ADCY2: variants seen among roughly 807,000 people sequenced by gnomAD.
The protein encoded by ADCY2 is adenylate cyclase type 2.
ADCY2 carries 31 observed loss-of-function variants against 125.2 expected under a neutral mutation model. That is an observed-to-expected ratio of 0.25 (90% CI 0.19 to 0.33). The LOEUF (loss-of-function observed/expected upper bound fraction) is 0.33, where lower values mean the gene tolerates loss of function less well. ADCY2 is among the 10% of genes least tolerant of loss of function. The probability of loss-of-function intolerance (pLI) is 1.00; values close to 1 mark genes in which losing one functional copy is unlikely to be tolerated. For missense variants in ADCY2, 904 were observed against 1,418.2 expected (o/e 0.64, Z 5.82); for synonymous variants, 512 against 548.4 (o/e 0.93, Z 0.93).
At chr5:7,445,599 C>A (rs13170330) in intron 2 of ADCY2, among the ~76,000 whole-genome samples, 37,192 of 152,154 alleles carry the variant, frequency 0.24, 5,282 homozygotes, top group East Asian at 0.48. Flanking sequence ...GTGATCTCAT[C>A]CAAAAACATT....
intron 22 of ADCY2, among the ~76,000 whole-genome samples, chr5:7,807,502 T>A (rs1309331124): frequency 6.6e-6 from 1 of 152,170 alleles, no homozygotes; most frequent in East Asian, 1.9e-4. Flanking sequence ...TGCCTGGTAA[T>A]CCTCCCTTGG....
intron 16 of ADCY2, among the ~76,000 whole-genome samples, chr5:7,763,228 C>T (rs1351171965): frequency 1.3e-5 from 2 of 151,914 alleles, no homozygotes; most frequent in Non-Finnish European, 2.9e-5. Context: ...GTAGCTGGGA[C>T]TACAGGCGCC....
chr5:7,396,485 C>G lies in ADCY2; in HGVS notation c.189C>G (p.Ala63=). 6.4e-7 allele frequency: 1 copy of G among 1,567,266 alleles called. No homozygotes were observed. The highest frequency in any genetic ancestry group is 8.6e-7 in the Non-Finnish European group (1 of 1,157,350). ...IVMGSCLALL[A]VFFALGLEVE... ...TGGGCTCCTGCCTCGCCCTGCTCGC[C>G]GTCTTCTTCGCGCTCGGGCTGGTGA... is the stretch of plus-strand genomic sequence containing the variant. The change falls in exon 1 of 25, where the codon GCC becomes GCG. Residue 63 remains alanine (A), a synonymous_variant. Transcript: ENST00000338316. This position sits in a 1 kb window ranked among gnomAD's most constrained non-coding sequence, Gnocchi z 5.7.
chr5:7,580,698 G>A (rs1736400569), intron 3 of ADCY2, among the ~76,000 whole-genome samples: 1 of 152,182 alleles, frequency 6.6e-6, no homozygotes, highest in Admixed American at 6.5e-5. Flanking sequence ...TGTCCAAAAT[G>A]TGGGGGAAAA....
chr5:7,813,665 T>G (rs1745011862), intron 22 of ADCY2, among the ~76,000 whole-genome samples: 1 of 152,240 alleles, frequency 6.6e-6, no homozygotes, highest in African/African-American at 2.4e-5. Flanking sequence ...CATAATTTTT[T>G]CTAGGATTTG....
At chr5:7,417,927 AG>A (rs1386643785) in intron 2 of ADCY2, among the ~76,000 whole-genome samples, 1 of 152,230 alleles carries the variant, frequency 6.6e-6, no homozygotes, top group Non-Finnish European at 1.5e-5. Flanking sequence ...GTTCATTGAC[AG>A]ATGACTGTAT....
At chr5:7,611,636 A>T (rs1458313570) in intron 3 of ADCY2, among the ~76,000 whole-genome samples, 1 of 152,190 alleles carries the variant, frequency 6.6e-6, no homozygotes. Flanking sequence ...ATGTTAATTC[A>T]TCCCAGAAAT....
intron 3 of ADCY2, among the ~76,000 whole-genome samples, chr5:7,619,160 G>A (rs1489900064): frequency 6.6e-6 from 1 of 152,228 alleles, no homozygotes; most frequent in Non-Finnish European, 1.5e-5. Flanking sequence ...GTAAAGTTTA[G>A]GTAATCATTG....
At chr5:7,545,151 C>T (rs1268470475) in intron 3 of ADCY2, among the ~76,000 whole-genome samples, 1 of 152,188 alleles carries the variant, frequency 6.6e-6, no homozygotes, top group African/African-American at 2.4e-5. Context: ...CTGGGTCTCA[C>T]CCTTAAGTGG....
chr5:7,415,262 G>C (rs1286934150), intron 2 of ADCY2, among the ~76,000 whole-genome samples: 1 of 152,126 alleles, frequency 6.6e-6, no homozygotes, highest in Non-Finnish European at 1.5e-5. Context: ...AAATAAGCCA[G>C]GCACAGAGAA....
At chr5:7,435,963 T>G (rs2126387042) in intron 2 of ADCY2, among the ~76,000 whole-genome samples, 1 of 152,350 alleles carries the variant, frequency 6.6e-6, no homozygotes, top group East Asian at 1.9e-4. Context: ...AGCCTTGGTT[T>G]TTGAGTAGAG....
chr5:7,606,968 G>GGGTCTTCTGAAATTCCACCTGCCCTGCA, intron 3 of ADCY2, among the ~76,000 whole-genome samples: 1 of 151,988 alleles, frequency 6.6e-6, no homozygotes, highest in Non-Finnish European at 1.5e-5. Context: ...CTGTTGCTGC[G>GGGTCTTCTGAAATTCCACCTGCCCTGCA]GGTCTTCTGA....
intron 4 of ADCY2, among the ~76,000 whole-genome samples, chr5:7,645,357 C>T (rs966922915): frequency 4.6e-5 from 7 of 152,098 alleles, no homozygotes; most frequent in Non-Finnish European, 1.0e-4. Flanking sequence ...ATAATAAAAG[C>T]GGAGCCGGCA....
Position 7,709,487 on chromosome 5 carries a change from A to G in ADCY2, c.1578+100A>G. The G allele has an allele frequency of 7.5e-7, 1 of 1,339,130 alleles. No individual in the cohort carries two copies. The highest frequency in any genetic ancestry group is 1.6e-5 in the South Asian group (1 of 64,324). The allele number at this position is 1,339,130 out of a possible 1,614,324, so 83.0% of individuals were successfully genotyped here. Reference sequence around the variant, plus strand: ...CCTGCCAAAATAACTCCTTTCTGTAAGAAACAAACTTATCACCTTCTTCTT... The same window carrying G: ...CCTGCCAAAATAACTCCTTTCTGTAGGAAACAAACTTATCACCTTCTTCTT... On this transcript the variant is annotated intron_variant, in intron 10 of 24. Coordinates refer to ENST00000338316, the MANE Select transcript of ADCY2 (RefSeq NM_020546.3). This position sits in a 1 kb window ranked among gnomAD's most constrained non-coding sequence, Gnocchi z 4.4.
chr5:7,657,948 G>A (rs80264473), intron 4 of ADCY2: 2,219 of 152,418 alleles, frequency 0.015, 38 homozygotes, highest in South Asian at 0.095. Context: ...GAGGCTGATG[G>A]ACGGGAGGGA....
At chr5:7,627,331 G>A (rs530835846) in intron 4 of ADCY2, among the ~76,000 whole-genome samples, 1 of 152,154 alleles carries the variant, frequency 6.6e-6, no homozygotes, top group Non-Finnish European at 1.5e-5. Flanking sequence ...GAGATGTGTG[G>A]GGACCAAGAT....
At chr5:7,741,234 A>G (rs1742396991) in intron 14 of ADCY2, among the ~76,000 whole-genome samples, 1 of 152,174 alleles carries the variant, frequency 6.6e-6, no homozygotes, top group African/African-American at 2.4e-5. Context: ...GTCTATTTCT[A>G]AAACAGAACC....
intron 14 of ADCY2, among the ~76,000 whole-genome samples, chr5:7,740,345 G>A (rs971374335): frequency 6.6e-6 from 1 of 151,932 alleles, no homozygotes; most frequent in Non-Finnish European, 1.5e-5. Context: ...AATAAATAAA[G>A]CAGAAAGTGT....
chr5:7,702,632 G>A (rs1389706845), intron 7 of ADCY2, among the ~76,000 whole-genome samples: 1 of 152,164 alleles, frequency 6.6e-6, no homozygotes, highest in Non-Finnish European at 1.5e-5. Context: ...TATCACTGAT[G>A]GACATTTGGG....
Sources: allele counts gnomAD v4.1 joint callset (sites outside exome capture counted in the v4.1 genomes callset), GRCh38; gene constraint gnomAD v4.1.1; non-coding constraint Gnocchi (gnomAD v3.1); transcripts MANE v1.5; gene names NCBI Gene and HGNC (gene_info 2026-07-23, HGNC 2026-07-21).